Variants in IGF2BP1 observed in about 807,000 individuals in gnomAD.
The protein encoded by IGF2BP1 is insulin-like growth factor 2 mRNA-binding protein 1.
Under a neutral mutation model 74.9 loss-of-function variants are expected in IGF2BP1, and 11 were observed. The ratio of observed to expected loss-of-function variants is 0.15; its 90% CI spans 0.09 to 0.24. The LOEUF (loss-of-function observed/expected upper bound fraction) is 0.24, where lower values mean the gene tolerates loss of function less well. IGF2BP1 is among the 10% of genes least tolerant of loss of function. The pLI, the probability that IGF2BP1 is intolerant of heterozygous loss-of-function variation, is 1.00. For synonymous variants in IGF2BP1, 287 were observed against 281.8 expected, an observed-to-expected ratio of 1.02 and a Z score of -0.18; for missense variants, 440 against 757.4, an observed-to-expected ratio of 0.58 and a Z score of 4.92.
In IGF2BP1 at chr17:49,055,539, G is replaced by C. The variant is rs2042218624; in HGVS notation, c.*6095G>C. The C allele has an allele frequency of 2.5e-6, 1 of 397,336 alleles. No homozygotes were observed. Among genetic ancestry groups the C allele is most frequent in the African/African-American group, 2.1e-5 (1 of 48,592 alleles). The allele number at this position is 397,336 out of a possible 1,614,324, so 24.6% of individuals were successfully genotyped here. The stretch of plus-strand genomic sequence containing the variant: ...GGCTGTGGGGGCTGGGGAGCCACTT[G>C]TAACATTTCTGTGCAGATTTTATGT... On this transcript the variant is annotated 3_prime_UTR_variant, in exon 15 of 15. Transcript: ENST00000290341.
intron 2 of IGF2BP1, among the ~76,000 whole-genome samples, chr17:49,001,977 A>G (rs2041492408): frequency 2.0e-5 from 3 of 152,154 alleles, no homozygotes; most frequent in Admixed American, 2.0e-4. Context: ...TAAAGATAGC[A>G]TATTCACTGT....
At chr17:49,011,381 A>G (rs180900284) in intron 2 of IGF2BP1, among the ~76,000 whole-genome samples, 44 of 152,160 alleles carry the variant, frequency 2.9e-4, no homozygotes, top group African/African-American at 1.0e-3. Context: ...TCTTTCTACA[A>G]TTATAGGAGC....
chr17:49,047,744 C>T (rs982618855), intron 14 of IGF2BP1, among the ~76,000 whole-genome samples: 11 of 148,362 alleles, frequency 7.4e-5, no homozygotes, highest in East Asian at 2.0e-4. Flanking sequence ...GACAGGGTCT[C>T]GCTCTGCCAT....
At chr17:49,002,014 G>A (rs1214890591) in intron 2 of IGF2BP1, among the ~76,000 whole-genome samples, 1 of 152,028 alleles carries the variant, frequency 6.6e-6, no homozygotes, top group African/African-American at 2.4e-5. Context: ...AATAAAAGGT[G>A]TTACTGTTAA....
intron 2 of IGF2BP1, among the ~76,000 whole-genome samples, chr17:49,000,134 G>A: frequency 6.6e-6 from 1 of 152,018 alleles, no homozygotes; most frequent in East Asian, 1.9e-4. Flanking sequence ...TCTCAAATCA[G>A]ACTTTAAACA....
chr17:49,037,153 T>C lies in IGF2BP1; in HGVS notation c.402-1015T>C, dbSNP rs117229441. ...GTTTTGAAGCAGCATCTCAGACATG[T>C]TGAAAAAGATGTTTGGATCCCTAAA... is the stretch of plus-strand genomic sequence containing the variant. On this transcript the variant is annotated intron_variant, in intron 5 of 14. Coordinates refer to ENST00000290341, the MANE Select transcript of IGF2BP1 (RefSeq NM_006546.4). The C allele has an allele frequency of 0.013, 5,948 of 444,832 alleles. 300 individuals are homozygous for C. In the East Asian group the frequency reaches 0.14, roughly 10 times the overall value. The allele number at this position is 444,832 out of a possible 1,614,324, so 27.6% of individuals were successfully genotyped here. A position where few individuals can be genotyped will look rare whatever the true frequency, so the allele number is the denominator to read the frequency against.
chr17:49,042,135 C>T, intron 8 of IGF2BP1, 107 bp from the exon 9 acceptor site: 1 of 1,426,070 alleles, frequency 7.0e-7, no homozygotes, highest in Non-Finnish European at 9.7e-7. Flanking sequence ...GTTGAATAGG[C>T]TGCAGAAATG....
Position 48,997,886 on chromosome 17 carries a change from G to A in IGF2BP1, c.141G>A (p.Glu47=). The A allele has an allele frequency of 6.2e-7, 1 of 1,614,004 alleles. No individual in the cohort carries two copies. Among genetic ancestry groups the A allele is most frequent in the Non-Finnish European group, 8.5e-7 (1 of 1,179,958 alleles). The part of the protein sequence containing the change: ...SGYAFVDCPD[E]HWAMKAIETF... ...ACGCCTTCGTGGACTGCCCGGACGA[G>A]CACTGGGCGATGAAGGCCATCGAAA... Residue 47 remains glutamate (E), a synonymous_variant, in exon 1 of 15, where the codon GAG becomes GAA. Coordinates refer to ENST00000290341, the MANE Select transcript of IGF2BP1 (RefSeq NM_006546.4). This position sits in a 1 kb window ranked among gnomAD's most constrained non-coding sequence, Gnocchi z 4.8.
chr17:49,035,367 A>G (rs1440722994), intron 5 of IGF2BP1, among the ~76,000 whole-genome samples: 1 of 152,240 alleles, frequency 6.6e-6, no homozygotes, highest in Non-Finnish European at 1.5e-5. Context: ...GTTTTCCTTT[A>G]CAGTTGATGA....
Position 49,053,332 on chromosome 17 carries a change from C to G in IGF2BP1, c.*3888C>G, listed in dbSNP as rs947941732. On this transcript the variant is annotated 3_prime_UTR_variant, in exon 15 of 15. Coordinates refer to ENST00000290341, the MANE Select transcript of IGF2BP1 (RefSeq NM_006546.4). ...GGCTGTTCCTGAATCAAAGCAATAG[C>G]CAGCTTTCGACACATACCTGGCTGT... The G allele has an allele frequency of 7.9e-5, 12 of 152,720 alleles. No homozygotes were observed. The highest frequency in any genetic ancestry group is 2.9e-4 in the African/African-American group (12 of 41,442). The allele number at this position is 152,720 out of a possible 1,614,324, so 9.5% of individuals were successfully genotyped here.
In IGF2BP1 at chr17:49,034,396, G is replaced by A. The variant is rs1598150491; in HGVS notation, c.401+2423G>A. ...GGCCTCCCAAAGTGTTGGGATTACA[G>A]GCATGAGCCACCACACTTGGCCTTT... On this transcript the variant is annotated intron_variant, in intron 5 of 14. Coordinates refer to ENST00000290341, the MANE Select transcript of IGF2BP1 (RefSeq NM_006546.4). Among the ~76,000 whole-genome samples the A allele has an allele frequency of 4.0e-5, 6 of 151,502 alleles. No individual in the cohort carries two copies. In the South Asian group the frequency reaches 1.3e-3, roughly 32 times the overall value.
At chr17:49,024,850 G>A (rs1302483709) in intron 2 of IGF2BP1, among the ~76,000 whole-genome samples, 3 of 152,228 alleles carry the variant, frequency 2.0e-5, no homozygotes, top group Non-Finnish European at 4.4e-5. Context: ...CTGGAACAAA[G>A]TAGTATGTGA....
rs192092340 is a variant in IGF2BP1, at chr17:49,046,523, T to A, written c.1641+150T>A. ...CCTCTAGGCTAGGTTATTGCCCTCT[T>A]TCAGGTGCAGAAGTGGGATGTGTAG... On this transcript the variant is annotated intron_variant, in intron 14 of 14. Transcript: ENST00000290341. 9 of 609,634 alleles carry A rather than the reference T, an allele frequency of 1.5e-5. No individual in the cohort carries two copies. In the East Asian group the frequency reaches 2.5e-4, roughly 17 times the overall value. 37.8% of individuals were successfully genotyped at this position (609,634 alleles called of 1,614,324 possible).
intron 7 of IGF2BP1, 59 bp downstream of exon 7, chr17:49,040,150 A>G (rs1018621339): frequency 1.9e-6 from 3 of 1,584,200 alleles, no homozygotes; most frequent in East Asian, 2.2e-5. Context: ...AGCCTCCCCA[A>G]CTCAACTTTC....
chr17:48,999,238 G>A, intron 2 of IGF2BP1, 69 bp downstream of exon 2: 1 of 909,104 alleles, frequency 1.1e-6, no homozygotes, highest in East Asian at 2.4e-5. Context: ...GTGTTCAGGG[G>A]TCCATAGCGT....
intron 2 of IGF2BP1, among the ~76,000 whole-genome samples, chr17:49,024,469 A>G (rs969568932): frequency 6.6e-6 from 1 of 152,144 alleles, no homozygotes; most frequent in Non-Finnish European, 1.5e-5. Context: ...AGTTACTGGG[A>G]GAGGGGAAGG....
At position 49,039,947 on chromosome 17, in the gene IGF2BP1, T is replaced by G. The variant is rs2042032144; in HGVS notation, c.684-10T>G. The G allele has an allele frequency of 6.2e-7, 1 of 1,611,978 alleles. No homozygotes were observed. The highest frequency in any genetic ancestry group is 8.5e-7 in the Non-Finnish European group (1 of 1,179,902). ...GGACAACTAACCAGCCTTGTCCTTG[T>G]GGCCCCCAGGATAGACGTGCATAGG... is the stretch of plus-strand genomic sequence containing the variant. On this transcript the variant is annotated splice_polypyrimidine_tract_variant and intron_variant, in intron 6 of 14. Transcript: ENST00000290341.
Position 49,044,770 on chromosome 17 carries a change from G to C in IGF2BP1, c.1321-221G>C, listed in dbSNP as rs111694942. On this transcript the variant is annotated intron_variant, in intron 11 of 14. Transcript: ENST00000290341. ...GGGGGCAGGAGGCCCTACTTAGAAA[G>C]TGTCATTGAAGCCAATCCTTCTAAC... is the stretch of plus-strand genomic sequence containing the variant. 3.0e-3 allele frequency among the ~76,000 whole-genome samples: 450 copies of C among 152,380 alleles called. 2 individuals carry two copies. The highest frequency in any genetic ancestry group is 0.01 in the African/African-American group (435 of 41,586).
At position 49,053,413 on chromosome 17, in the gene IGF2BP1, G is replaced by C. The variant is rs2042189864; in HGVS notation, c.*3969G>C. On this transcript the variant is annotated 3_prime_UTR_variant, in exon 15 of 15. Transcript: ENST00000290341. ...GCTAAGGGCGAGGCCCTTCCCTTCA[G>C]AGGCTCCTGGGGGATTAGGGTGTGG... 1.3e-5 allele frequency: 2 copies of C among 152,710 alleles called. No individual in the cohort carries two copies. The highest frequency in any genetic ancestry group is 1.3e-4 in the Admixed American group (2 of 15,284). The allele number at this position is 152,710 out of a possible 1,614,324, so 9.5% of individuals were successfully genotyped here. A position where few individuals can be genotyped will look rare whatever the true frequency, so the allele number is the denominator to read the frequency against.
Sources: gnomAD v4.1 joint callset for allele counts (sites outside exome capture counted in the v4.1 genomes callset) on GRCh38, gnomAD v4.1.1 for gene constraint, Gnocchi (gnomAD v3.1) non-coding constraint, MANE v1.5 for transcripts, NCBI Gene and HGNC (gene_info 2026-07-23, HGNC 2026-07-21) for gene names.